The following CUBN variants were observed in gnomAD, a reference collection of about 807,000 sequenced individuals.
CUBN encodes the protein 460 kDa receptor.
CUBN carries 282 observed loss-of-function variants against 405.3 expected under a neutral mutation model. The ratio of observed to expected loss-of-function variants is 0.70; its 90% CI spans 0.63 to 0.77. The LOEUF (loss-of-function observed/expected upper bound fraction) is 0.77, where lower values mean the gene tolerates loss of function less well. Among genes scored for constraint, CUBN ranks in the 30% least tolerant of loss-of-function variants. The probability of loss-of-function intolerance (pLI) is 0.00; values close to 1 mark genes in which losing one functional copy is unlikely to be tolerated. For synonymous variants in CUBN, 1,684 were observed against 1,617.0 expected, an observed-to-expected ratio of 1.04 and a Z score of -0.99; for missense variants, 4,514 against 4,475.2, an observed-to-expected ratio of 1.01 and a Z score of -0.25.
At chr10:16,836,156 A>G in intron 63 of CUBN, 79 bp downstream of exon 63, 1 of 1,364,448 alleles carries the variant, frequency 7.3e-7, no homozygotes, top group East Asian at 2.3e-5. Flanking sequence ...AGTCAATTCT[A>G]GAAATAATTG....
chr10:16,858,410 T>A (rs1839923663), intron 59 of CUBN, among the ~76,000 whole-genome samples: 1 of 152,186 alleles, frequency 6.6e-6, no homozygotes, highest in Non-Finnish European at 1.5e-5. Context: ...AACTTTGAAC[T>A]CCTGGGCTCA....
At chr10:17,088,110 T>C (rs948731191) in intron 15 of CUBN, 54 bp downstream of exon 15, 1 of 1,429,246 alleles carries the variant, frequency 7.0e-7, no homozygotes, top group Admixed American at 1.7e-5. Context: ...TAGACCATAG[T>C]GCCCTGAGTC....
Position 16,836,138 on chromosome 10 carries a change from C to G in CUBN, c.10180+97G>C, listed in dbSNP as rs868416033. The G allele has an allele frequency of 9.8e-6, 12 of 1,228,524 alleles. No homozygotes were observed. The East Asian group carries it at 2.9e-4, about 29-fold the overall frequency. The allele number at this position is 1,228,524 out of a possible 1,614,324, so 76.1% of individuals were successfully genotyped here. A position where few individuals can be genotyped will look rare whatever the true frequency, so the allele number is the denominator to read the frequency against. Reference sequence around the variant, plus strand: ...GTTTTTGTTAACAAATCCTAATTTACTCACAGGAGTCAATTCTAGAAATAA... The same window carrying G: ...GTTTTTGTTAACAAATCCTAATTTAGTCACAGGAGTCAATTCTAGAAATAA... On this transcript the variant is annotated intron_variant, in intron 63 of 66. Coordinates refer to ENST00000377833, the MANE Select transcript of CUBN (RefSeq NM_001081.4).
chr10:16,966,011 C>T (rs1248235087), intron 31 of CUBN: 2 of 470,902 alleles, frequency 4.2e-6, no homozygotes. Context: ...TGTATTCATT[C>T]AGTTAGAATG....
intron 28 of CUBN, among the ~76,000 whole-genome samples, chr10:17,017,205 C>T (rs941417738): frequency 6.6e-6 from 1 of 152,116 alleles, no homozygotes; most frequent in African/African-American, 2.4e-5. Flanking sequence ...GTCCCTGGAC[C>T]CTGCTGATCA....
intron 28 of CUBN, among the ~76,000 whole-genome samples, chr10:17,008,238 GGTGTGTGTGTGTGTGTGTGT>G (rs55936618): frequency 4.9e-5 from 4 of 80,846 alleles, no homozygotes; most frequent in African/African-American, 1.5e-4. Flanking sequence ...GCCCGTGTGT[GGTGTGTGTGTGTGTGTGTGT>G]GTGTGTGTGG....
Position 17,070,676 on chromosome 10 carries a change from T to C in CUBN, c.2625+750A>G, listed in dbSNP as rs566939213. ...TCATTTTCAAATTGTTCATTGCTGGTGTATAGAAAAAGAAAGATTTCTATA... is the reference window on the plus strand; with the variant it reads ...TCATTTTCAAATTGTTCATTGCTGGCGTATAGAAAAAGAAAGATTTCTATA... On this transcript the variant is annotated intron_variant, in intron 19 of 66. Coordinates refer to ENST00000377833, the MANE Select transcript of CUBN (RefSeq NM_001081.4). 5.0e-3 allele frequency among the ~76,000 whole-genome samples: 755 copies of C among 152,318 alleles called. 7 individuals carry two copies. The highest frequency in any genetic ancestry group is 0.017 in the African/African-American group (712 of 41,572).
In CUBN at chr10:16,871,858, C is replaced by A. The variant is rs559961936; in HGVS notation, c.9237-2005G>T. The stretch of plus-strand genomic sequence containing the variant: ...GAGAGCCTTTTATTAATGTCTGCAT[C>A]TTCTACCACACCTAGAATCTTATCT... On this transcript the variant is annotated intron_variant, in intron 58 of 66. Coordinates refer to ENST00000377833, the MANE Select transcript of CUBN (RefSeq NM_001081.4). Among the ~76,000 whole-genome samples, 6 of 152,302 alleles carry A rather than the reference C, an allele frequency of 3.9e-5. No homozygotes were observed. In the East Asian group the frequency reaches 9.6e-4, roughly 24 times the overall value.
chr10:17,080,059 G>A (rs1364236688), intron 17 of CUBN, among the ~76,000 whole-genome samples: 2 of 152,094 alleles, frequency 1.3e-5, no homozygotes, highest in Non-Finnish European at 2.9e-5. Context: ...CAATTATTTT[G>A]GTTCTCTTCT....
chr10:17,117,431 G>A (rs1836930430), intron 6 of CUBN, among the ~76,000 whole-genome samples: 1 of 152,092 alleles, frequency 6.6e-6, no homozygotes, highest in African/African-American at 2.4e-5. Flanking sequence ...CTGGACTGCA[G>A]TGGCATGATC....
At chr10:16,916,069 A>C (rs962303290) in intron 45 of CUBN, 39 bp from the exon 46 acceptor site, 10 of 1,589,282 alleles carry the variant, frequency 6.3e-6, no homozygotes, top group Non-Finnish European at 8.6e-6. Context: ...TAAGAAAGCA[A>C]GCAAGCAAGA....
intron 21 of CUBN, among the ~76,000 whole-genome samples, chr10:17,067,502 T>A (rs1354145294): frequency 6.6e-6 from 1 of 151,944 alleles, no homozygotes; most frequent in Admixed American, 6.6e-5. Context: ...AAACAGACTA[T>A]CAAGAGAGTT....
intron 31 of CUBN, among the ~76,000 whole-genome samples, chr10:16,961,301 A>C (rs1288861711): frequency 6.6e-6 from 1 of 152,126 alleles, no homozygotes; most frequent in Non-Finnish European, 1.5e-5. Flanking sequence ...TCCTGGCTCA[A>C]GCGATCCTGC....
At chr10:16,966,236 G>A (rs1209696034) in intron 31 of CUBN, among the ~76,000 whole-genome samples, 2 of 152,182 alleles carry the variant, frequency 1.3e-5, no homozygotes, top group East Asian at 3.8e-4. Context: ...CAGTGAACGT[G>A]CATGGGATTC....
rs559936028 is a variant in CUBN, at chr10:17,122,344, T to C, written c.593+451A>G. 65 of 266,022 alleles carry C rather than the reference T, an allele frequency of 2.4e-4. 1 individual carries two copies. In the South Asian group the frequency reaches 2.6e-3, roughly 11 times the overall value. 16.5% of individuals were successfully genotyped at this position (266,022 alleles called of 1,614,324 possible). On this transcript the variant is annotated intron_variant, in intron 6 of 66. Transcript: ENST00000377833. ...ACCTCGTTATGGTCACATTTTGACA[T>C]AGCATTGAATAAAGCTCTCTTTACC...
At chr10:17,050,472 T>C (rs1835239136) in intron 22 of CUBN, among the ~76,000 whole-genome samples, 1 of 152,134 alleles carries the variant, frequency 6.6e-6, no homozygotes, top group African/African-American at 2.4e-5. Context: ...TGGAACTATA[T>C]GGAAATTCTA....
intron 60 of CUBN, among the ~76,000 whole-genome samples, chr10:16,850,575 G>A (rs775327674): frequency 6.6e-6 from 1 of 152,126 alleles, no homozygotes; most frequent in African/African-American, 2.4e-5. Flanking sequence ...GGGTTCAAGC[G>A]ATTCTCCTGC....
chr10:16,861,744 C>G (rs905872111), intron 59 of CUBN, among the ~76,000 whole-genome samples: 1 of 152,162 alleles, frequency 6.6e-6, no homozygotes, highest in Non-Finnish European at 1.5e-5. Flanking sequence ...GACTCACATT[C>G]TCTGAGGTGC....
chr10:17,114,087 A>G lies in CUBN; in HGVS notation c.823T>C (p.Ser275Pro), dbSNP rs756485172. 2 of 1,613,312 alleles carry G rather than the reference A, an allele frequency of 1.2e-6. No individual in the cohort carries two copies. The highest frequency in any genetic ancestry group is 1.7e-6 in the Non-Finnish European group (2 of 1,179,716). Reference sequence around the variant, plus strand: ...GTGTTGAAACACTGCACAAGTGTGGAGCAAGGCCCGGGCTGGAAGCTGCAC... The same window carrying G: ...GTGTTGAAACACTGCACAAGTGTGGGGCAAGGCCCGGGCTGGAAGCTGCAC... ...DECSFQPGPC[S>P]TLVQCFNTQG... is the part of the protein sequence containing the mutation. The change falls in exon 8 of 67, where the codon TCC becomes CCC. Residue 275 changes from serine (S) to proline (P), a missense_variant. By Grantham distance (74) the Ser-to-Pro change is moderately conservative. This residue lies in a region of CUBN where 1,448 missense variants were observed against 1,388.0 expected (regional missense o/e 1.04). Coordinates refer to ENST00000377833, the MANE Select transcript of CUBN (RefSeq NM_001081.4).
Sources: allele counts gnomAD v4.1 joint callset (sites outside exome capture counted in the v4.1 genomes callset), GRCh38; gene constraint gnomAD v4.1.1; regional missense constraint gnomAD v4.1.1; transcripts MANE v1.5; gene names NCBI Gene and HGNC (gene_info 2026-07-23, HGNC 2026-07-21).